Variants in NOL4L observed in about 807,000 individuals in gnomAD.
The protein encoded by NOL4L is nucleolar protein 4 like, also known as nucleolar protein 4-like.
NOL4L carries 7 observed loss-of-function variants against 64.5 expected under a neutral mutation model. The observed-to-expected ratio is 0.11, with a 90% CI of 0.06 to 0.20. The LOEUF is 0.20. Among genes scored for constraint, NOL4L ranks in the 10% least tolerant of loss-of-function variants. NOL4L has a pLI of 1.00. For synonymous variants in NOL4L, 413 were observed against 401.0 expected, an observed-to-expected ratio of 1.03 and a Z score of -0.36; for missense variants, 680 against 967.1, an observed-to-expected ratio of 0.70 and a Z score of 3.94.
At chr20:32,454,323 G>A (rs2013252011) in intron 6 of NOL4L, among the ~76,000 whole-genome samples, 1 of 152,224 alleles carries the variant, frequency 6.6e-6, no homozygotes, top group Non-Finnish European at 1.5e-5. Context: ...AGCAGGATGC[G>A]TTCCCGCAGC....
Position 32,584,941 on chromosome 20 carries a change from C to A in NOL4L, c.-51G>T, listed in dbSNP as rs949200389. On this transcript the variant is annotated 5_prime_UTR_variant, in exon 1 of 11. Coordinates refer to ENST00000621426, the MANE Select transcript of NOL4L (RefSeq NM_001256798.2). ...GGGGCGGGCCGGCCGCCGGGCCGCC[C>A]GGTGCCGGGACTGGGCTGGGCTGGG... 4.7e-6 allele frequency: 5 copies of A among 1,058,340 alleles called. No individual in the cohort carries two copies. The highest frequency in any genetic ancestry group is 1.1e-4 in the Admixed American group (2 of 18,926). The allele number at this position is 1,058,340 out of a possible 1,614,324, so 65.6% of individuals were successfully genotyped here.
chr20:32,577,971 C>G (rs180971473), intron 1 of NOL4L, among the ~76,000 whole-genome samples: 1 of 151,966 alleles, frequency 6.6e-6, no homozygotes, highest in Non-Finnish European at 1.5e-5. Context: ...GGGGGCCCTA[C>G]GTGCATGAAA....
intron 5 of NOL4L, 143 bp from the exon 6 acceptor site, chr20:32,456,538 C>T (rs1325677994): frequency 1.5e-5 from 12 of 800,424 alleles, no homozygotes; most frequent in African/African-American, 7.2e-5. Context: ...AGGCAATTTG[C>T]CCCAGCCCAC....
At chr20:32,470,705 GC>G (rs1439772851) in intron 5 of NOL4L, among the ~76,000 whole-genome samples, 3 of 152,262 alleles carry the variant, frequency 2.0e-5, no homozygotes, top group African/African-American at 7.2e-5. Context: ...AGGGGACCTG[GC>G]CCGTGCCTGG....
In NOL4L at chr20:32,453,197, G is replaced by A. The variant is rs551997450; in HGVS notation, c.1497+107C>T. 1.4e-6 allele frequency: 2 copies of A among 1,452,884 alleles called. No individual in the cohort carries two copies. Among genetic ancestry groups the A allele is most frequent in the East Asian group, 4.7e-5 (2 of 42,706 alleles). 90.0% of individuals were successfully genotyped at this position (1,452,884 alleles called of 1,614,324 possible). ...CCAGGGATTATGGTACTTGCTTCCA[G>A]GGCTCCTGGGAAGACCCTGGGTGAA... On this transcript the variant is annotated intron_variant, in intron 8 of 10. Transcript: ENST00000621426. The surrounding 1 kb of genome is among the most constrained non-coding windows in gnomAD (Gnocchi z 5.6).
chr20:32,444,157 A>T lies in NOL4L; in HGVS notation c.*3439T>A, dbSNP rs532412472. On this transcript the variant is annotated 3_prime_UTR_variant, in exon 11 of 11. Coordinates refer to ENST00000621426, the MANE Select transcript of NOL4L (RefSeq NM_001256798.2). ...ACAGTACACTTTCACTGAGTCCAAA[A>T]TTAGGAGCAAAAATACAAAGGTTCA... 1 of 152,320 alleles carries T rather than the reference A, an allele frequency of 6.6e-6. No homozygotes were observed. The highest frequency in any genetic ancestry group is 1.9e-4 in the East Asian group (1 of 5,192). 9.4% of individuals were successfully genotyped at this position (152,320 alleles called of 1,614,324 possible).
intron 4 of NOL4L, chr20:32,485,620 C>T (rs540314414): frequency 6.7e-4 from 261 of 387,486 alleles, no homozygotes; most frequent in Middle Eastern, 6.0e-4. Context: ...ATCTTCTCAT[C>T]CTTGGTGATG....
intron 4 of NOL4L, chr20:32,510,678 G>A (rs2017358151): frequency 6.5e-6 from 1 of 153,872 alleles, no homozygotes; most frequent in South Asian, 2.0e-4. Flanking sequence ...GGCAAGAAGT[G>A]ATTACCCTGG....
At chr20:32,471,292 G>C (rs1430243189) in intron 5 of NOL4L, among the ~76,000 whole-genome samples, 1 of 150,842 alleles carries the variant, frequency 6.6e-6, no homozygotes, top group Non-Finnish European at 1.5e-5. Flanking sequence ...CACCCCGGTA[G>C]AGGCTCAGAG....
rs386393630 is a variant in NOL4L, at chr20:32,447,403, CAAAAAA to C, written c.*187_*192del. 2.3e-3 allele frequency: 353 copies of C among 151,728 alleles called. 1 individual carries two copies. Among genetic ancestry groups the C allele is most frequent in the African/African-American group, 6.6e-3 (88 of 13,408 alleles). 9.4% of individuals were successfully genotyped at this position (151,728 alleles called of 1,614,324 possible). ...TCAGAGCACCCGTGTGGTGAGATTCCAAAAAAAAAAAAAAAAAAAAAAAAAAGTGTC... is the reference window on the plus strand; with the variant it reads ...TCAGAGCACCCGTGTGGTGAGATTCCAAAAAAAAAAAAAAAAAAAAGTGTC... On this transcript the variant is annotated 3_prime_UTR_variant, in exon 11 of 11. Coordinates refer to ENST00000621426, the MANE Select transcript of NOL4L (RefSeq NM_001256798.2).
chr20:32,516,366 G>C (rs1029432088), intron 3 of NOL4L, among the ~76,000 whole-genome samples: 1 of 152,128 alleles, frequency 6.6e-6, no homozygotes, highest in Non-Finnish European at 1.5e-5. Flanking sequence ...CATGCTATCC[G>C]GGTGGGGAAC....
At chr20:32,487,083 A>G (rs1195221435) in intron 4 of NOL4L, among the ~76,000 whole-genome samples, 1 of 152,168 alleles carries the variant, frequency 6.6e-6, no homozygotes, top group Non-Finnish European at 1.5e-5. Flanking sequence ...AGCCTGGCCA[A>G]CATGGTGAAA....
At chr20:32,480,527 C>T (rs1383715355) in intron 4 of NOL4L, among the ~76,000 whole-genome samples, 1 of 152,188 alleles carries the variant, frequency 6.6e-6, no homozygotes, top group Non-Finnish European at 1.5e-5. Flanking sequence ...TCTTCTCAAC[C>T]CACTGGTGGG....
intron 6 of NOL4L, among the ~76,000 whole-genome samples, chr20:32,454,427 C>T (rs765451528): frequency 2.6e-5 from 4 of 152,216 alleles, no homozygotes; most frequent in Non-Finnish European, 5.9e-5. Flanking sequence ...GAACCGGATC[C>T]GGCCTCCCCC....
intron 4 of NOL4L, among the ~76,000 whole-genome samples, chr20:32,477,846 C>G (rs1333793273): frequency 1.3e-5 from 2 of 152,240 alleles, no homozygotes; most frequent in African/African-American, 2.4e-5. Context: ...ATGGGTCCCA[C>G]TGGGAAAAGG....
chr20:32,479,659 T>C (rs2015602953), intron 4 of NOL4L, among the ~76,000 whole-genome samples: 1 of 152,208 alleles, frequency 6.6e-6, no homozygotes, highest in Non-Finnish European at 1.5e-5. Flanking sequence ...CCCTGGTTTC[T>C]CTAGCCTCTG....
intron 1 of NOL4L, among the ~76,000 whole-genome samples, chr20:32,536,659 C>G (rs2018537528): frequency 6.7e-6 from 1 of 150,140 alleles, no homozygotes; most frequent in Non-Finnish European, 1.5e-5. Context: ...GGCAACCCAC[C>G]AGAGGAAGTG....
rs10692885 is a variant in NOL4L at position 32,499,738 on chromosome 20, C to CAA, written c.699+11607_699+11608dup. On this transcript the variant is annotated intron_variant, in intron 4 of 10. Coordinates refer to ENST00000621426, the MANE Select transcript of NOL4L (RefSeq NM_001256798.2). ...TGGGCAACAGAGGGAGACCTTGTCT[C>CAA]AAAAAAAAAAAAAAAAAAAAAAGGA... is the stretch of plus-strand genomic sequence containing the variant. Among the ~76,000 whole-genome samples the CAA allele has an allele frequency of 3.0e-3, 153 of 50,402 alleles. 1 individual carries two copies. The highest frequency in any genetic ancestry group is 0.01 in the East Asian group (20 of 1,954). The allele number at this position is 50,402 out of a possible 152,430, so 33.1% of individuals were successfully genotyped here. A position where few individuals can be genotyped will look rare whatever the true frequency, so the allele number is the denominator to read the frequency against.
chr20:32,528,452 G>GCT (rs1350533441), intron 1 of NOL4L, among the ~76,000 whole-genome samples: 1 of 152,080 alleles, frequency 6.6e-6, no homozygotes, highest in African/African-American at 2.4e-5. Flanking sequence ...CTGAGCGCCA[G>GCT]CAACGGCACC....
Sources: allele counts gnomAD v4.1 joint callset (sites outside exome capture counted in the v4.1 genomes callset), GRCh38; gene constraint gnomAD v4.1.1; non-coding constraint Gnocchi (gnomAD v3.1); transcripts MANE v1.5; gene names NCBI Gene and HGNC (gene_info 2026-07-23, HGNC 2026-07-21).